The following PCDH15 variants were observed in gnomAD, a reference collection of about 807,000 sequenced individuals.
PCDH15 encodes protocadherin related 15.
PCDH15 carries 129 observed loss-of-function variants against 178.5 expected under a neutral mutation model. The ratio of observed to expected loss-of-function variants is 0.72; its 90% CI spans 0.63 to 0.84. The LOEUF (loss-of-function observed/expected upper bound fraction) is 0.84. PCDH15 is among the 40% of genes least tolerant of loss of function. The pLI, the probability that PCDH15 is intolerant of heterozygous loss-of-function variation, is 0.00. For missense variants in PCDH15, 2,230 were observed against 2,099.9 expected (o/e 1.06, Z -1.21); for synonymous variants, 800 against 732.0 (o/e 1.09, Z -1.50).
chr10:54,171,521 C>T (rs1025336683), intron 13 of PCDH15, among the ~76,000 whole-genome samples: 4 of 150,378 alleles, frequency 2.7e-5, no homozygotes, highest in African/African-American at 1.0e-4. Context: ...AGTCATACTC[C>T]TATTCACCGT....
At chr10:54,278,161 G>C (rs1403839346) in intron 8 of PCDH15, among the ~76,000 whole-genome samples, 1 of 151,330 alleles carries the variant, frequency 6.6e-6, no homozygotes, top group Admixed American at 6.6e-5. Flanking sequence ...TTTTTTATGT[G>C]TTAACTCACT....
chr10:54,370,866 A>T (rs984848601), intron 4 of PCDH15, among the ~76,000 whole-genome samples: 5 of 151,848 alleles, frequency 3.3e-5, no homozygotes, highest in Non-Finnish European at 7.4e-5. Flanking sequence ...AGATATTTTT[A>T]TGGCCAACAA....
intron 2 of PCDH15, among the ~76,000 whole-genome samples, chr10:54,903,031 T>C (rs1205615368): frequency 1.3e-5 from 2 of 152,208 alleles, no homozygotes; most frequent in Non-Finnish European, 2.9e-5. Context: ...ATCCTTGATT[T>C]TTCAAATTAG....
At chr10:53,924,203 G>A (rs1481030367) in intron 25 of PCDH15, among the ~76,000 whole-genome samples, 2 of 152,154 alleles carry the variant, frequency 1.3e-5, no homozygotes, top group African/African-American at 2.4e-5. Flanking sequence ...GGCGGGAACC[G>A]GGGCTGCATG....
At chr10:54,652,866 AC>A (rs1389480495) in intron 2 of PCDH15, among the ~76,000 whole-genome samples, 4 of 152,200 alleles carry the variant, frequency 2.6e-5, no homozygotes, top group African/African-American at 9.6e-5. Flanking sequence ...TAAAAGGACA[AC>A]TTTTATCTCT....
chr10:53,946,022 AATAG>A (rs2086544300), intron 23 of PCDH15, among the ~76,000 whole-genome samples: 1 of 151,962 alleles, frequency 6.6e-6, no homozygotes, highest in Admixed American at 6.6e-5. Context: ...CAAGGAGCAG[AATAG>A]ATAGTTCCAA....
intron 2 of PCDH15, among the ~76,000 whole-genome samples, chr10:55,339,510 CATTA>C (rs1844492078): frequency 6.6e-6 from 1 of 152,156 alleles, no homozygotes; most frequent in African/African-American, 2.4e-5. Context: ...TTTTTAGTTG[CATTA>C]ATCAATGTAT....
chr10:53,914,630 CGGAGGGATAGCATTA>C (rs1368877879), intron 25 of PCDH15, among the ~76,000 whole-genome samples: 17 of 151,794 alleles, frequency 1.1e-4, no homozygotes, highest in Non-Finnish European at 1.5e-5. Context: ...TGGGGGCTGG[CGGAGGGATAGCATTA>C]GGAGAAATAC....
At position 53,851,418 on chromosome 10, in the gene PCDH15, A is replaced by G. The variant is rs563104608; in HGVS notation, c.3806+5757T>C. On this transcript the variant is annotated intron_variant, in intron 28 of 37. Coordinates refer to ENST00000644397, the MANE Select transcript of PCDH15 (RefSeq NM_001384140.1). ...TCTCCAGTGCTTACAATCTGTAACT[A>G]TTTATTTTTTAACTAATAAATCCCC... is the stretch of plus-strand genomic sequence containing the variant. Among the ~76,000 whole-genome samples the G allele has an allele frequency of 1.1e-4, 16 of 151,720 alleles. No individual in the cohort carries two copies. The South Asian group carries it at 3.3e-3, about 32-fold the overall frequency.
chr10:54,393,624 T>C (rs1950825772), intron 3 of PCDH15, among the ~76,000 whole-genome samples: 1 of 152,174 alleles, frequency 6.6e-6, no homozygotes, highest in South Asian at 2.1e-4. Flanking sequence ...CAAATAAAAC[T>C]GAAAGGTTTC....
intron 2 of PCDH15, among the ~76,000 whole-genome samples, chr10:54,931,870 C>T (rs1837786667): frequency 6.6e-6 from 1 of 152,062 alleles, no homozygotes; most frequent in Admixed American, 6.6e-5. Context: ...GTGCATTGTT[C>T]AGAATCATTA....
chr10:54,477,559 GC>G (rs1462970546), intron 3 of PCDH15, among the ~76,000 whole-genome samples: 5 of 152,114 alleles, frequency 3.3e-5, no homozygotes, highest in South Asian at 2.1e-4. Context: ...TTCTTATAAA[GC>G]ATGTGTGTTG....
At chr10:54,670,205 CT>C (rs1454352228) in intron 1 of PCDH15, among the ~76,000 whole-genome samples, 17 of 152,120 alleles carry the variant, frequency 1.1e-4, no homozygotes. Flanking sequence ...CTTGCTATCA[CT>C]TCAATCATTT....
Position 53,822,815 on chromosome 10 carries a change from C to T in PCDH15, c.4368-2585G>A, listed in dbSNP as rs972342055. The stretch of plus-strand genomic sequence containing the variant: ...TCAGTGTTTCACCTTGCCTTATTTC[C>T]TCTTTCTCTGTCAAATTTGCCTCTT... On this transcript the variant is annotated intron_variant, in intron 32 of 37. Transcript: ENST00000644397. The T allele has an allele frequency of 6.2e-6, 10 of 1,613,860 alleles. No individual in the cohort carries two copies. The African/African-American group carries it at 9.3e-5, about 15-fold the overall frequency.
intron 2 of PCDH15, among the ~76,000 whole-genome samples, chr10:55,482,504 C>A (rs1329114422): frequency 6.6e-6 from 1 of 151,804 alleles, no homozygotes; most frequent in Non-Finnish European, 1.5e-5. Flanking sequence ...TCTTACAAGG[C>A]AGGTCTGGTG....
At chr10:54,398,751 AC>A (rs937906367) in intron 3 of PCDH15, among the ~76,000 whole-genome samples, 17 of 152,210 alleles carry the variant, frequency 1.1e-4, no homozygotes, top group Middle Eastern at 3.4e-3. Flanking sequence ...CAGAAAAAAA[AC>A]CCCAAATATT....
intron 1 of PCDH15, among the ~76,000 whole-genome samples, chr10:54,725,813 T>A (rs930784877): frequency 1.3e-5 from 2 of 151,362 alleles, no homozygotes; most frequent in Admixed American, 1.3e-4. Flanking sequence ...GTAAATATTA[T>A]CACAAAAAGT....
At chr10:55,164,443 T>A (rs765843053) in intron 2 of PCDH15, among the ~76,000 whole-genome samples, 21 of 150,382 alleles carry the variant, frequency 1.4e-4, no homozygotes, top group Non-Finnish European at 2.1e-4. Flanking sequence ...TTAATATAAT[T>A]ATAATAAGAA....
intron 2 of PCDH15, among the ~76,000 whole-genome samples, chr10:55,006,842 AT>A (rs1839939455): frequency 6.6e-6 from 1 of 151,760 alleles, no homozygotes; most frequent in Admixed American, 6.6e-5. Context: ...CTTTTCACCT[AT>A]TTCTCCCTTT....
Sources: allele counts gnomAD v4.1 joint callset (sites outside exome capture counted in the v4.1 genomes callset), GRCh38; gene constraint gnomAD v4.1.1; transcripts MANE v1.5; gene names NCBI Gene and HGNC (gene_info 2026-07-23, HGNC 2026-07-21).